The following UGT1A3 variants were observed in gnomAD, a reference collection of about 807,000 sequenced individuals.
UGT1A3 encodes UDP-glucuronosyltransferase 1A3.
Under a neutral mutation model 41.0 loss-of-function variants are expected in UGT1A3, and 31 were observed. That is an observed-to-expected ratio of 0.76 (90% CI 0.57 to 1.02). The LOEUF is 1.02. Ranked by LOEUF, UGT1A3 falls within the 50% of genes least tolerant of loss-of-function variation. The pLI, the probability that UGT1A3 is intolerant of heterozygous loss-of-function variation, is 0.00. For missense variants in UGT1A3, 737 were observed against 671.0 expected, an observed-to-expected ratio of 1.10 and a Z score of -1.09; for synonymous variants, 262 against 257.6, an observed-to-expected ratio of 1.02 and a Z score of -0.17.
intron 1 of UGT1A3, among the ~76,000 whole-genome samples, chr2:233,758,259 G>T (rs1163749283): frequency 6.6e-6 from 1 of 152,184 alleles, no homozygotes; most frequent in Non-Finnish European, 1.5e-5. Context: ...AGATTAGTAA[G>T]TATTTCTTGG....
At position 233,742,060 on chromosome 2, in the gene UGT1A3, T is replaced by A. The variant is rs74500985; in HGVS notation, c.867+12067T>A. On this transcript the variant is annotated intron_variant, in intron 1 of 4. Transcript: ENST00000482026. ...AGCATAGCAATAGGATAGTTCTGTG[T>A]GGCCTTATGGAGATCCTTTTTTTAC... 642 of 152,036 alleles carry A rather than the reference T, an allele frequency of 4.2e-3. 25 individuals carry two copies. Among genetic ancestry groups the A allele is most frequent in the African/African-American group, 0.015 (610 of 41,262 alleles). 9.4% of individuals were successfully genotyped at this position (152,036 alleles called of 1,614,324 possible).
intron 1 of UGT1A3, among the ~76,000 whole-genome samples, chr2:233,766,240 CT>C (rs1055344910): frequency 2.0e-5 from 3 of 151,920 alleles, no homozygotes; most frequent in African/African-American, 7.3e-5. Flanking sequence ...AGGGTTTCCC[CT>C]GGAGTCAGAC....
chr2:233,743,134 T>TA (rs919324462), intron 1 of UGT1A3: 10 of 357,158 alleles, frequency 2.8e-5, no homozygotes, highest in East Asian at 7.3e-5. Context: ...CTTTCAATCC[T>TA]AAAAAAAGTC....
chr2:233,734,666 C>T (rs1294652179), intron 1 of UGT1A3, among the ~76,000 whole-genome samples: 1 of 152,056 alleles, frequency 6.6e-6, no homozygotes, highest in Non-Finnish European at 1.5e-5. Context: ...TATAAATTTC[C>T]CTCTACACAC....
chr2:233,758,992 G>A (rs561211595), intron 1 of UGT1A3, among the ~76,000 whole-genome samples: 1 of 152,306 alleles, frequency 6.6e-6, no homozygotes, highest in Non-Finnish European at 1.5e-5. Flanking sequence ...CCAGTGGAAT[G>A]AGTACAATTT....
Position 233,768,349 on chromosome 2 carries a change from A to T in UGT1A3, c.1217A>T (p.Glu406Val), listed in dbSNP as rs1699604029. The change falls in exon 4 of 5, where the codon GAG becomes GTG. Residue 406 changes from glutamate to valine, a missense_variant. By Grantham distance (121) the Glu-to-Val change is moderately radical. Coordinates refer to ENST00000482026, the MANE Select transcript of UGT1A3 (RefSeq NM_019093.4). The stretch of plus-strand genomic sequence containing the variant: ...CAGATGGACAATGCAAAGCGCATGG[A>T]GACTAAGGGAGCTGGAGTGACCCTG... Reference protein sequence around the residue: ...GDQMDNAKRMETKGAGVTLNV... With the variant: ...GDQMDNAKRMVTKGAGVTLNV... The T allele has an allele frequency of 1.2e-6, 2 of 1,614,182 alleles. No homozygotes were observed. Among genetic ancestry groups the T allele is most frequent in the Non-Finnish European group, 8.5e-7 (1 of 1,180,036 alleles).
At chr2:233,747,905 T>G in intron 1 of UGT1A3, 2 of 1,613,538 alleles carry the variant, frequency 1.2e-6, no homozygotes, top group Non-Finnish European at 1.7e-6. Flanking sequence ...CTGCTCCTTA[T>G]GCAAGCCTTG....
intron 1 of UGT1A3, chr2:233,760,113 A>G: frequency 2.4e-6 from 3 of 1,233,108 alleles, no homozygotes; most frequent in Non-Finnish European, 3.3e-6. Flanking sequence ...TAAGAAACCT[A>G]ATAAAGCTCC....
At chr2:233,760,687 A>C in intron 1 of UGT1A3, 1 of 1,614,232 alleles carries the variant, frequency 6.2e-7, no homozygotes, top group Non-Finnish European at 8.5e-7. Context: ...ACTGCACAAC[A>C]AGGAGCTCAT....
intron 4 of UGT1A3, among the ~76,000 whole-genome samples, chr2:233,771,823 C>T (rs1700395813): frequency 7.3e-6 from 1 of 137,044 alleles, no homozygotes; most frequent in Non-Finnish European, 1.6e-5. Flanking sequence ...TTCCTTGCTT[C>T]CTTCCCTCCT....
chr2:233,767,996 A>AG (rs1699544638), intron 3 of UGT1A3, 60 bp downstream of exon 3: 2 of 1,614,194 alleles, frequency 1.2e-6, no homozygotes, highest in Non-Finnish European at 1.7e-6. Flanking sequence ...AAATGGCTTA[A>AG]GCACAGCTAT....
chr2:233,747,456 A>G (rs1299694493), intron 1 of UGT1A3: 47 of 1,608,814 alleles, frequency 2.9e-5, no homozygotes, highest in Non-Finnish European at 3.7e-5. Context: ...AACCTATGCC[A>G]TTTCATGGAC....
At chr2:233,754,205 G>A (rs935702131) in intron 1 of UGT1A3, 1 of 163,140 alleles carries the variant, frequency 6.1e-6, no homozygotes, top group African/African-American at 2.4e-5. Context: ...AAACATTGAA[G>A]TCAAATGATT....
intron 1 of UGT1A3, chr2:233,760,576 CATA>C: frequency 6.2e-7 from 1 of 1,614,196 alleles, no homozygotes; most frequent in Non-Finnish European, 8.5e-7. Flanking sequence ...TAGTCTCGGG[CATA>C]ATGTTTTTGA....
intron 1 of UGT1A3, chr2:233,754,873 T>C (rs763585549): frequency 7.4e-7 from 1 of 1,352,606 alleles, no homozygotes; most frequent in Non-Finnish European, 9.9e-7. Flanking sequence ...CCTCTGCTTC[T>C]GCTTCCCAGG....
chr2:233,766,051 C>T (rs552293215), intron 1 of UGT1A3, among the ~76,000 whole-genome samples: 2 of 152,294 alleles, frequency 1.3e-5, no homozygotes, highest in African/African-American at 2.4e-5. Flanking sequence ...CTTGTGTTAA[C>T]CAGCTCAATT....
At position 233,772,473 on chromosome 2, in the gene UGT1A3, A is replaced by G. The variant is rs1575871447; in HGVS notation, c.1519A>G (p.Thr507Ala). ...CGTCGTGCTGACAGTGGCCTTCATC[A>G]CCTTTAAATGTTGTGCTTATGGCTA... ...LAVVLTVAFITFKCCAYGYRK... is the reference protein window; with the variant it reads ...LAVVLTVAFIAFKCCAYGYRK... The change falls in exon 5 of 5, where the codon ACC (threonine) becomes GCC (alanine). Residue 507 changes from threonine to alanine, a missense_variant. Coordinates refer to ENST00000482026, the MANE Select transcript of UGT1A3 (RefSeq NM_019093.4). 1.2e-6 allele frequency: 2 copies of G among 1,614,044 alleles called. No homozygotes were observed. The highest frequency in any genetic ancestry group is 1.7e-6 in the Non-Finnish European group (2 of 1,180,014).
At chr2:233,758,458 C>T (rs1696885230) in intron 1 of UGT1A3, among the ~76,000 whole-genome samples, 1 of 152,224 alleles carries the variant, frequency 6.6e-6, no homozygotes, top group Non-Finnish European at 1.5e-5. Context: ...GAAGAATTAT[C>T]ACCCTTAAGG....
chr2:233,768,725 G>T (rs933444797), intron 4 of UGT1A3, among the ~76,000 whole-genome samples: 1 of 151,378 alleles, frequency 6.6e-6, no homozygotes, highest in African/African-American at 2.4e-5. Context: ...TGGGATTACA[G>T]GTGTCCACCA....
Sources: allele counts gnomAD v4.1 joint callset (sites outside exome capture counted in the v4.1 genomes callset), GRCh38; gene constraint gnomAD v4.1.1; transcripts MANE v1.5; gene names NCBI Gene and HGNC (gene_info 2026-07-23, HGNC 2026-07-21).